EPHB2: variants seen among roughly 807,000 people sequenced by gnomAD.
EPHB2 encodes the protein ephrin type-B receptor 2.
Under a neutral mutation model 96.4 loss-of-function variants are expected in EPHB2, and 18 were observed. That is an observed-to-expected ratio of 0.19 (90% CI 0.13 to 0.28). The LOEUF (loss-of-function observed/expected upper bound fraction) is 0.28, where lower values mean the gene tolerates loss of function less well. Among genes scored for constraint, EPHB2 ranks in the 10% least tolerant of loss-of-function variants. The probability of loss-of-function intolerance (pLI) is 1.00; values close to 1 mark genes in which losing one functional copy is unlikely to be tolerated. For missense variants in EPHB2, 989 were observed against 1,355.4 expected, an observed-to-expected ratio of 0.73 and a Z score of 4.25; for synonymous variants, 506 against 534.1, an observed-to-expected ratio of 0.95 and a Z score of 0.72.
At chr1:22,901,586 C>T (rs1639748279) in intron 9 of EPHB2, among the ~76,000 whole-genome samples, 1 of 152,198 alleles carries the variant, frequency 6.6e-6, no homozygotes, top group Admixed American at 6.5e-5. Context: ...TGCAGAGGTC[C>T]TCACCCGACC....
At chr1:22,712,072 G>C (rs1034126848) in intron 1 of EPHB2, among the ~76,000 whole-genome samples, 3 of 152,238 alleles carry the variant, frequency 2.0e-5, no homozygotes, top group African/African-American at 7.2e-5. Flanking sequence ...ACTATACGCA[G>C]CTCTCTGTGG....
chr1:22,808,501 C>T (rs1031842752), intron 3 of EPHB2, among the ~76,000 whole-genome samples: 14 of 152,222 alleles, frequency 9.2e-5, no homozygotes, highest in African/African-American at 2.7e-4. Context: ...AGAAGGGGCC[C>T]GAGGCCAACT....
intron 3 of EPHB2, among the ~76,000 whole-genome samples, chr1:22,861,967 G>T (rs983584837): frequency 2.0e-5 from 3 of 152,224 alleles, no homozygotes; most frequent in Non-Finnish European, 2.9e-5. Context: ...TGAAATGTTT[G>T]TTGCAAAGCT....
chr1:22,820,392 G>A (rs1229344908), intron 3 of EPHB2, among the ~76,000 whole-genome samples: 2 of 152,116 alleles, frequency 1.3e-5, no homozygotes, highest in African/African-American at 4.8e-5. Flanking sequence ...TGAGCGCGGT[G>A]GCTCACGCCT....
chr1:22,900,933 G>T (rs1570458514), intron 9 of EPHB2, among the ~76,000 whole-genome samples: 2 of 152,264 alleles, frequency 1.3e-5, no homozygotes, highest in East Asian at 3.9e-4. Flanking sequence ...CATTCAGCAG[G>T]TGCTGAGTGA....
At position 22,907,241 on chromosome 1, in the gene EPHB2, C is replaced by A. The variant is rs575416061; in HGVS notation, c.2136+284C>A. Among the ~76,000 whole-genome samples the A allele has an allele frequency of 7.2e-5, 11 of 152,292 alleles. No homozygotes were observed. The South Asian group carries it at 2.3e-3, about 32-fold the overall frequency. On this transcript the variant is annotated intron_variant, in intron 11 of 15. Transcript: ENST00000374630. ...GTTGGCACACATCTGAAATCTGTTT[C>A]CATTCCTGCTCTTAGCCAGCCTTCT... is the stretch of plus-strand genomic sequence containing the variant.
chr1:22,737,547 CTCCTACTCA>C (rs1040151067), intron 1 of EPHB2, among the ~76,000 whole-genome samples: 5 of 152,234 alleles, frequency 3.3e-5, no homozygotes, highest in African/African-American at 1.2e-4. Flanking sequence ...GCCTAGTGAA[CTCCTACTCA>C]TCCTTCAAGG....
intron 3 of EPHB2, among the ~76,000 whole-genome samples, chr1:22,802,947 G>A (rs887992145): frequency 3.9e-5 from 6 of 152,170 alleles, no homozygotes; most frequent in African/African-American, 1.4e-4. Flanking sequence ...AGAGGGTGGA[G>A]TGTGTGCATG....
At position 22,909,010 on chromosome 1, in the gene EPHB2, T is replaced by C. The variant is rs929373596; in HGVS notation, c.2353-12T>C. Reference sequence around the variant, plus strand: ...CCTCCCACCCACAAACCCTCCTCTTTCTGTCTCCCAGGGCGGAAAGATCCC... The same window carrying C: ...CCTCCCACCCACAAACCCTCCTCTTCCTGTCTCCCAGGGCGGAAAGATCCC... On this transcript the variant is annotated splice_polypyrimidine_tract_variant and intron_variant, in intron 12 of 15. Transcript: ENST00000374630. The C allele has an allele frequency of 3.1e-6, 5 of 1,614,014 alleles. No individual in the cohort carries two copies. The highest frequency in any genetic ancestry group is 1.7e-5 in the Admixed American group (1 of 59,998).
At chr1:22,716,161 C>CT (rs1351415262) in intron 1 of EPHB2, among the ~76,000 whole-genome samples, 1 of 152,176 alleles carries the variant, frequency 6.6e-6, no homozygotes, top group African/African-American at 2.4e-5. Flanking sequence ...GGAAAATACT[C>CT]AGATTCCTAG....
intron 3 of EPHB2, among the ~76,000 whole-genome samples, chr1:22,814,610 C>T (rs1466805507): frequency 1.3e-5 from 2 of 152,168 alleles, no homozygotes; most frequent in Non-Finnish European, 2.9e-5. Flanking sequence ...CAGATGAGGC[C>T]ACTGAGGCTC....
chr1:22,715,054 C>G (rs1196409816), intron 1 of EPHB2, among the ~76,000 whole-genome samples: 2 of 152,196 alleles, frequency 1.3e-5, no homozygotes, highest in African/African-American at 4.8e-5. Flanking sequence ...TCTCCAGTGC[C>G]TAGAACTGTG....
chr1:22,785,917 T>G (rs1252319211), intron 3 of EPHB2, among the ~76,000 whole-genome samples: 1 of 152,216 alleles, frequency 6.6e-6, no homozygotes, highest in Non-Finnish European at 1.5e-5. Flanking sequence ...TCAGAGAGCT[T>G]AAACAGGGAC....
At chr1:22,805,563 C>T (rs1339384559) in intron 3 of EPHB2, among the ~76,000 whole-genome samples, 2 of 152,180 alleles carry the variant, frequency 1.3e-5, no homozygotes, top group Non-Finnish European at 2.9e-5. Context: ...TACAACCACC[C>T]AGTCCAGACA....
chr1:22,812,757 T>G (rs1645021126), intron 3 of EPHB2, among the ~76,000 whole-genome samples: 1 of 152,226 alleles, frequency 6.6e-6, no homozygotes, highest in Non-Finnish European at 1.5e-5. Flanking sequence ...TGGGACTCCA[T>G]AAACAGCAGC....
intron 9 of EPHB2, among the ~76,000 whole-genome samples, chr1:22,897,400 C>T (rs1274369361): frequency 6.6e-6 from 1 of 152,180 alleles, no homozygotes; most frequent in African/African-American, 2.4e-5. Flanking sequence ...CCTCTGGGTA[C>T]AGAGGCCCAT....
At chr1:22,823,651 G>GAACA (rs1410271870) in intron 3 of EPHB2, among the ~76,000 whole-genome samples, 1 of 152,198 alleles carries the variant, frequency 6.6e-6, no homozygotes, top group African/African-American at 2.4e-5. Flanking sequence ...TTAATTAAAT[G>GAACA]AACATTGGAT....
chr1:22,794,582 C>T (rs538436181), intron 3 of EPHB2, among the ~76,000 whole-genome samples: 6 of 152,164 alleles, frequency 3.9e-5, no homozygotes, highest in Non-Finnish European at 7.4e-5. Flanking sequence ...TGCCTTTGTG[C>T]CTTCCACTTC....
rs764555559 is a variant in EPHB2 at position 22,863,104 on chromosome 1, C to T, written c.879C>T (p.Ser293=). The T allele has an allele frequency of 1.2e-6, 2 of 1,614,208 alleles. No homozygotes were observed. Among genetic ancestry groups the T allele is most frequent in the African/African-American group, 1.3e-5 (1 of 75,052 alleles). Residue 293 remains serine, a synonymous_variant, in exon 4 of 16, where the codon AGC becomes AGT. Transcript: ENST00000374630. ...CCTGTACCCACTGTCCCATCAACAG[C>T]CGGACCACTTCTGAAGGGGCCACCA... ...DEACTHCPIN[S]RTTSEGATNC...
Sources: gnomAD v4.1 joint callset for allele counts (sites outside exome capture counted in the v4.1 genomes callset) on GRCh38, gnomAD v4.1.1 for gene constraint, MANE v1.5 for transcripts, NCBI Gene and HGNC (gene_info 2026-07-23, HGNC 2026-07-21) for gene names.